TRIM44: variants seen among roughly 807,000 people sequenced by gnomAD.
TRIM44 encodes tripartite motif-containing protein 44.
A neutral mutation model predicts 37.4 loss-of-function variants in TRIM44; 13 were observed. That is an observed-to-expected ratio of 0.35 (90% CI 0.23 to 0.55). The LOEUF is 0.55. TRIM44 is among the 20% of genes least tolerant of loss of function. The pLI, the probability that TRIM44 is intolerant of heterozygous loss-of-function variation, is 0.89. For synonymous variants in TRIM44, 175 were observed against 157.2 expected, an observed-to-expected ratio of 1.11 and a Z score of -0.85; for missense variants, 426 against 437.2, an observed-to-expected ratio of 0.97 and a Z score of 0.23.
intron 4 of TRIM44, among the ~76,000 whole-genome samples, chr11:35,796,935 G>A (rs182268645): frequency 3.9e-5 from 6 of 152,348 alleles, no homozygotes; most frequent in African/African-American, 1.4e-4. Context: ...TGGCAAGGGT[G>A]TGGGGAAAAT....
rs1852315416 is a variant in TRIM44 at position 35,735,376 on chromosome 11, T to A, written c.988-50T>A. The A allele has an allele frequency of 2.5e-6, 4 of 1,604,502 alleles. No individual in the cohort carries two copies. In the African/African-American group the frequency reaches 4.0e-5, roughly 16 times the overall value. On this transcript the variant is annotated intron_variant, in intron 3 of 4. Transcript: ENST00000299413. The stretch of plus-strand genomic sequence containing the variant: ...GGGAAAAGAAAGAAATCTGACTCTG[T>A]CTGTACCAACAGTGATTTCTAATAC...
intron 2 of TRIM44, among the ~76,000 whole-genome samples, chr11:35,707,403 G>GA (rs1426814281): frequency 6.6e-6 from 1 of 152,012 alleles, no homozygotes; most frequent in East Asian, 1.9e-4. Flanking sequence ...CACAGAATTG[G>GA]AAAAAACTAC....
At chr11:35,802,364 A>G (rs946496875) in intron 4 of TRIM44, among the ~76,000 whole-genome samples, 1 of 152,136 alleles carries the variant, frequency 6.6e-6, no homozygotes, top group Admixed American at 6.5e-5. Flanking sequence ...AGACATTCTA[A>G]AATTGTTACA....
intron 4 of TRIM44, among the ~76,000 whole-genome samples, chr11:35,736,534 A>G (rs996992348): frequency 6.6e-6 from 1 of 152,294 alleles, no homozygotes; most frequent in African/African-American, 2.4e-5. Flanking sequence ...AAACTAGCAA[A>G]AACAGTTTCC....
intron 2 of TRIM44, among the ~76,000 whole-genome samples, chr11:35,708,738 A>G (rs1036470436): frequency 6.6e-6 from 1 of 151,906 alleles, no homozygotes; most frequent in Non-Finnish European, 1.5e-5. Context: ...AGGAAGGGGA[A>G]CATCACACTC....
rs1370150535 is a variant in TRIM44 at position 35,778,900 on chromosome 11, C to A, written c.1008-27458C>A. Among the ~76,000 whole-genome samples the A allele has an allele frequency of 5.3e-5, 8 of 152,308 alleles. No individual in the cohort carries two copies. In the East Asian group the frequency reaches 1.5e-3, roughly 29 times the overall value. Reference sequence around the variant, plus strand: ...AGTTAGGCTGCTCAGGGGTCAGAGACCCACTTGAGGAGGCAGTCTGTCCAT... The same window carrying A: ...AGTTAGGCTGCTCAGGGGTCAGAGAACCACTTGAGGAGGCAGTCTGTCCAT... On this transcript the variant is annotated intron_variant, in intron 4 of 4. Transcript: ENST00000299413.
At chr11:35,706,024 TAAA>T (rs1485583443) in intron 2 of TRIM44, among the ~76,000 whole-genome samples, 4 of 147,454 alleles carry the variant, frequency 2.7e-5, no homozygotes, top group African/African-American at 4.9e-5. Context: ...GCAAGACTAA[TAAA>T]GAAGAAAAGA....
intron 2 of TRIM44, among the ~76,000 whole-genome samples, chr11:35,686,241 A>G (rs1049316036): frequency 5.9e-5 from 9 of 151,812 alleles, no homozygotes; most frequent in Non-Finnish European, 1.5e-5. Flanking sequence ...TCTCCTTCCT[A>G]CCCAGACACT....
intron 1 of TRIM44, among the ~76,000 whole-genome samples, chr11:35,679,416 T>C (rs1163026549): frequency 6.6e-6 from 1 of 152,210 alleles, no homozygotes; most frequent in African/African-American, 2.4e-5. Flanking sequence ...TAATATGTAC[T>C]CCTTTGAAGA....
At chr11:35,670,138 T>C (rs1443885995) in intron 1 of TRIM44, among the ~76,000 whole-genome samples, 1 of 152,206 alleles carries the variant, frequency 6.6e-6, no homozygotes, top group Non-Finnish European at 1.5e-5. Context: ...TTAAATGTTT[T>C]ACTCTGAGCA....
Position 35,816,585 on chromosome 11 carries a change from G to T in TRIM44, c.*10200G>T, listed in dbSNP as rs1853582333. 1.3e-5 allele frequency: 2 copies of T among 152,152 alleles called. No individual in the cohort carries two copies. The highest frequency in any genetic ancestry group is 4.8e-5 in the African/African-American group (2 of 41,434). The allele number at this position is 152,152 out of a possible 1,614,324, so 9.4% of individuals were successfully genotyped here. On this transcript the variant is annotated 3_prime_UTR_variant, in exon 5 of 5. Coordinates refer to ENST00000299413, the MANE Select transcript of TRIM44 (RefSeq NM_017583.6). ...AGTAAAATTTAGACTAAATTGTTGG[G>T]AGGAAACTGTTAACATTGTGAACCA...
At chr11:35,739,159 T>G (rs973413264) in intron 4 of TRIM44, among the ~76,000 whole-genome samples, 3 of 152,214 alleles carry the variant, frequency 2.0e-5, no homozygotes, top group Admixed American at 1.3e-4. Context: ...TTTACCACAA[T>G]CATAATCATA....
At chr11:35,759,066 G>C (rs1852687835) in intron 4 of TRIM44, among the ~76,000 whole-genome samples, 2 of 152,190 alleles carry the variant, frequency 1.3e-5, no homozygotes, top group Admixed American at 6.5e-5. Flanking sequence ...GATTGGGGAA[G>C]TTCTCCTGGA....
At chr11:35,750,648 A>C (rs1306801366) in intron 4 of TRIM44, among the ~76,000 whole-genome samples, 1 of 152,140 alleles carries the variant, frequency 6.6e-6, no homozygotes, top group Admixed American at 6.5e-5. Flanking sequence ...GTTCCTCAAG[A>C]TATACTATGA....
intron 3 of TRIM44, among the ~76,000 whole-genome samples, chr11:35,734,359 T>C (rs956338099): frequency 3.3e-5 from 5 of 152,170 alleles, no homozygotes; most frequent in Admixed American, 3.3e-4. Flanking sequence ...ATTACCCCAT[T>C]TTACAAATTA....
chr11:35,711,448 C>G (rs1461303113), intron 2 of TRIM44, among the ~76,000 whole-genome samples: 1 of 147,660 alleles, frequency 6.8e-6, no homozygotes. Context: ...TGCTTAATCT[C>G]TTCATTTCTC....
chr11:35,692,568 G>T (rs1302636932), intron 2 of TRIM44, among the ~76,000 whole-genome samples: 1 of 152,150 alleles, frequency 6.6e-6, no homozygotes, highest in Non-Finnish European at 1.5e-5. Context: ...TTGGAGTTTG[G>T]AGGATTTCAG....
At chr11:35,800,611 C>T (rs1215399700) in intron 4 of TRIM44, among the ~76,000 whole-genome samples, 1 of 152,186 alleles carries the variant, frequency 6.6e-6, no homozygotes, top group Non-Finnish European at 1.5e-5. Context: ...CCCAGGAGGT[C>T]CAGCTGGCTT....
Position 35,791,584 on chromosome 11 carries a change from A to G in TRIM44, c.1008-14774A>G, listed in dbSNP as rs141938193. On this transcript the variant is annotated intron_variant, in intron 4 of 4. Transcript: ENST00000299413. ...CTCTCACTGGACCATCGCACATTTT[A>G]TCTCAGCCATTCTGAACTTTTCACA... Among the ~76,000 whole-genome samples, 280 of 152,162 alleles carry G rather than the reference A, an allele frequency of 1.8e-3. 2 individuals carry two copies. Among genetic ancestry groups the G allele is most frequent in the African/African-American group, 6.5e-3 (269 of 41,528 alleles).
Sources: gnomAD v4.1 joint callset for allele counts (sites outside exome capture counted in the v4.1 genomes callset) on GRCh38, gnomAD v4.1.1 for gene constraint, MANE v1.5 for transcripts, NCBI Gene and HGNC (gene_info 2026-07-23, HGNC 2026-07-21) for gene names.